Variants in CHIC2 observed in about 807,000 individuals in gnomAD.
CHIC2 encodes the protein cysteine-rich hydrophobic domain-containing protein 2.
CHIC2 carries 14 observed loss-of-function variants against 25.9 expected under a neutral mutation model. The observed-to-expected ratio is 0.54, with a 90% CI of 0.36 to 0.85. The LOEUF (loss-of-function observed/expected upper bound fraction) is 0.85. Ranked by LOEUF, CHIC2 falls within the 40% of genes least tolerant of loss-of-function variation. CHIC2 has a pLI of 0.01. For missense variants in CHIC2, 146 were observed against 202.0 expected, an observed-to-expected ratio of 0.72 and a Z score of 1.68; for synonymous variants, 70 against 72.0, an observed-to-expected ratio of 0.97 and a Z score of 0.14.
intron 3 of CHIC2, among the ~76,000 whole-genome samples, chr4:54,034,208 C>CA (rs1716314718): frequency 6.6e-6 from 1 of 151,856 alleles, no homozygotes; most frequent in African/African-American, 2.4e-5. Flanking sequence ...GGTTCGAGAC[C>CA]AGCCTGACCA....
intron 3 of CHIC2, among the ~76,000 whole-genome samples, chr4:54,043,116 C>G (rs921344153): frequency 2.2e-4 from 34 of 152,072 alleles, no homozygotes; most frequent in Non-Finnish European, 3.7e-4. Flanking sequence ...TTTGAGACCA[C>G]CCTGGGCATA....
At chr4:54,031,611 CTTTTTTTTTTTTTT>C (rs1037563282) in intron 3 of CHIC2, among the ~76,000 whole-genome samples, 1 of 103,410 alleles carries the variant, frequency 9.7e-6, no homozygotes, top group African/African-American at 3.9e-5. Context: ...GATGTACTTG[CTTTTTTTTTTTTTT>C]TTTTTTTTTG....
At chr4:54,065,324 T>C (rs573415868), upstream of CHIC2, 11 of 984,982 alleles carry the variant, frequency 1.1e-5, no homozygotes, top group African/African-American at 1.9e-4. Context: ...TATTAGAAGA[T>C]GCAGTTTCTT....
At chr4:54,065,322 G>C (rs140067405), upstream of CHIC2, 37 of 984,414 alleles carry the variant, frequency 3.8e-5, no homozygotes, top group African/African-American at 5.8e-4. Flanking sequence ...CATATTAGAA[G>C]ATGCAGTTTC....
At chr4:54,048,911 T>C in intron 3 of CHIC2, 44 bp downstream of exon 3, 2 of 1,441,482 alleles carry the variant, frequency 1.4e-6, no homozygotes, top group Middle Eastern at 1.8e-4. Context: ...CAAGACTTGC[T>C]TGTCCACTTC....
the CHIC2 span, among the ~76,000 whole-genome samples, chr4:54,085,603 A>G: frequency 1.3e-5 from 2 of 152,248 alleles, no homozygotes; most frequent in Non-Finnish European, 2.9e-5. Context: ...CAACAAGACA[A>G]TATCTCTTGT....
intron 3 of CHIC2, among the ~76,000 whole-genome samples, chr4:54,037,500 T>C (rs1405044276): frequency 6.6e-6 from 1 of 152,196 alleles, no homozygotes; most frequent in Admixed American, 6.5e-5. Flanking sequence ...CTGGAAATGA[T>C]GAGTATGTTC....
At chr4:54,028,641 A>AT (rs1716130751) in intron 3 of CHIC2, among the ~76,000 whole-genome samples, 1 of 152,232 alleles carries the variant, frequency 6.6e-6, no homozygotes, top group Admixed American at 6.5e-5. Flanking sequence ...TGCCTTGCTA[A>AT]TAGCCGGTAT....
intron 3 of CHIC2, among the ~76,000 whole-genome samples, chr4:54,020,194 AT>A (rs1472303034): frequency 2.0e-5 from 3 of 152,158 alleles, no homozygotes; most frequent in Non-Finnish European, 4.4e-5. Flanking sequence ...ACCTTAACTG[AT>A]GATACTCCAC....
chr4:54,052,080 A>T (rs1484363279), intron 1 of CHIC2, among the ~76,000 whole-genome samples: 1 of 152,178 alleles, frequency 6.6e-6, no homozygotes, highest in Non-Finnish European at 1.5e-5. Flanking sequence ...GGCACAGGCC[A>T]CAGCAAATAT....
chr4:54,067,381 T>C (rs1019620284), upstream of CHIC2, among the ~76,000 whole-genome samples: 2 of 152,016 alleles, frequency 1.3e-5, no homozygotes, highest in Non-Finnish European at 1.5e-5. Context: ...GTGTGGGACC[T>C]AGGAAGAAGG....
the CHIC2 span, among the ~76,000 whole-genome samples, chr4:54,075,932 A>G: frequency 6.6e-6 from 1 of 152,184 alleles, no homozygotes; most frequent in Non-Finnish European, 1.5e-5. Context: ...ACCATACCCC[A>G]GTGCTGTAAA....
intron 3 of CHIC2, among the ~76,000 whole-genome samples, chr4:54,037,789 A>G (rs1433118053): frequency 6.6e-6 from 1 of 152,180 alleles, no homozygotes; most frequent in Non-Finnish European, 1.5e-5. Flanking sequence ...TTGGAGGTTA[A>G]ACAAACTTCT....
the CHIC2 span, among the ~76,000 whole-genome samples, chr4:54,084,959 C>CAAAAAAAA: frequency 5.1e-5 from 3 of 58,922 alleles, no homozygotes; most frequent in African/African-American, 2.1e-4. Flanking sequence ...TGCTCTGTCT[C>CAAAAAAAA]AAAAAAAAAA....
upstream of CHIC2, chr4:54,064,775 T>G (rs1227860824): frequency 8.9e-6 from 4 of 450,786 alleles, no homozygotes; most frequent in Non-Finnish European, 1.2e-5. The surrounding 1 kb of genome is among the most constrained non-coding windows in gnomAD (Gnocchi z 4.2). Context: ...GCCACCGTCT[T>G]TCCTCTGCTT....
intron 3 of CHIC2, among the ~76,000 whole-genome samples, chr4:54,040,709 A>AC (rs1716548492): frequency 6.8e-6 from 1 of 146,400 alleles, no homozygotes; most frequent in Admixed American, 6.8e-5. Context: ...GTCTCAAAAA[A>AC]AAAAAAAAAA....
At chr4:54,034,198 G>T (rs951789822) in intron 3 of CHIC2, among the ~76,000 whole-genome samples, 2 of 151,854 alleles carry the variant, frequency 1.3e-5, no homozygotes, top group African/African-American at 2.4e-5. Flanking sequence ...TCAGGTCGGG[G>T]GTTCGAGACC....
At chr4:54,088,272 G>C in the CHIC2 span, among the ~76,000 whole-genome samples, 1 of 151,880 alleles carries the variant, frequency 6.6e-6, no homozygotes, top group Admixed American at 6.6e-5. Flanking sequence ...CTGTCTTTGC[G>C]CAAATTGTTG....
chr4:54,050,867 C>T (rs753101225), intron 1 of CHIC2, among the ~76,000 whole-genome samples: 13 of 152,032 alleles, frequency 8.6e-5, no homozygotes, highest in South Asian at 2.1e-4. Context: ...AGTTAAGCAC[C>T]ACATACTTGT....
Sources: allele counts gnomAD v4.1 joint callset (sites outside exome capture counted in the v4.1 genomes callset), GRCh38; gene constraint gnomAD v4.1.1; non-coding constraint Gnocchi (gnomAD v3.1); transcripts MANE v1.5; gene names NCBI Gene and HGNC (gene_info 2026-07-23, HGNC 2026-07-21).